PTGER2: variants seen among roughly 807,000 people sequenced by gnomAD.
The protein encoded by PTGER2 is prostaglandin E2 receptor EP2 subtype.
A neutral mutation model predicts 26.2 loss-of-function variants in PTGER2; 22 were observed. The observed-to-expected ratio is 0.84, with a 90% CI of 0.60 to 1.20. The LOEUF (loss-of-function observed/expected upper bound fraction) is 1.20, where lower values mean the gene tolerates loss of function less well. Ranked by LOEUF, PTGER2 falls within the 50% of genes most tolerant of loss-of-function variation. The probability of loss-of-function intolerance (pLI) is 0.00; values close to 1 mark genes in which losing one functional copy is unlikely to be tolerated. For synonymous variants in PTGER2, 219 were observed against 208.9 expected, an observed-to-expected ratio of 1.05 and a Z score of -0.42; for missense variants, 458 against 475.2, an observed-to-expected ratio of 0.96 and a Z score of 0.34.
rs565255592 is a variant in PTGER2, at chr14:52,326,675, C to T, written c.844-546C>T. ...GTGTTCCATTGCAGACCCTGTCTCG[C>T]TGAATTGTGATCATTAGATTTAGTA... On this transcript the variant is annotated intron_variant, in intron 1 of 1. Transcript: ENST00000245457. Among the ~76,000 whole-genome samples the T allele has an allele frequency of 6.6e-5, 10 of 152,266 alleles. No homozygotes were observed. The South Asian group carries it at 2.1e-3, about 32-fold the overall frequency.
At chr14:52,321,149 T>C (rs1248070168) in intron 1 of PTGER2, among the ~76,000 whole-genome samples, 1 of 152,170 alleles carries the variant, frequency 6.6e-6, no homozygotes, top group Non-Finnish European at 1.5e-5. Context: ...ATCCAGTTTT[T>C]CCTATTGCAG....
rs775157086 is a variant in PTGER2 at position 52,315,273 on chromosome 14, G to C, written c.725G>C (p.Arg242Pro). ...SRCGPSLGSG[R>P]GGPGARRRGE... Reference sequence around the variant, plus strand: ...TGCGGACCTTCCCTGGGCAGTGGCCGGGGCGGCCCCGGGGCCCGCAGGAGA... The same window carrying C: ...TGCGGACCTTCCCTGGGCAGTGGCCCGGGCGGCCCCGGGGCCCGCAGGAGA... Residue 242 changes from arginine to proline, a missense_variant, in exon 1 of 2, where the codon CGG (arginine) becomes CCG (proline). By Grantham distance (103) the Arg-to-Pro change is moderately radical. Transcript: ENST00000245457. 4 of 1,611,684 alleles carry C rather than the reference G, an allele frequency of 2.5e-6. No individual in the cohort carries two copies. The highest frequency in any genetic ancestry group is 2.5e-6 in the Non-Finnish European group (3 of 1,179,412).
In PTGER2 at chr14:52,315,007, C is replaced by T. The variant is rs747113348; in HGVS notation, c.459C>T (p.Gly153=). ...AGCGCCGCGTCTCGCGCTCCGGGGGCCTGGCCGTGCTGCCTGTCATCTATG... is the reference window on the plus strand; with the variant it reads ...AGCGCCGCGTCTCGCGCTCCGGGGGTCTGGCCGTGCTGCCTGTCATCTATG... ...FYQRRVSRSG[G]LAVLPVIYAV... is the part of the protein sequence containing the mutation. Residue 153 remains glycine, a synonymous_variant, in exon 1 of 2, where the codon GGC becomes GGT. Transcript: ENST00000245457. 1 of 1,613,370 alleles carries T rather than the reference C, an allele frequency of 6.2e-7. No homozygotes were observed. The highest frequency in any genetic ancestry group is 2.2e-5 in the East Asian group (1 of 44,866).
intron 1 of PTGER2, among the ~76,000 whole-genome samples, chr14:52,323,290 G>A (rs967308145): frequency 7.0e-5 from 4 of 57,380 alleles, no homozygotes; most frequent in Admixed American, 6.7e-4. Flanking sequence ...GACTCACTCT[G>A]TCACCCAGGC....
At position 52,327,502 on chromosome 14, in the gene PTGER2, T is replaced by G. The variant is rs758441576; in HGVS notation, c.*48T>G. 4 of 1,414,896 alleles carry G rather than the reference T, an allele frequency of 2.8e-6. No individual in the cohort carries two copies. In the Admixed American group the frequency reaches 8.0e-5, roughly 28 times the overall value. 87.6% of individuals were successfully genotyped at this position (1,414,896 alleles called of 1,614,324 possible). A position where few individuals can be genotyped will look rare whatever the true frequency, so the allele number is the denominator to read the frequency against. On this transcript the variant is annotated 3_prime_UTR_variant, in exon 2 of 2. Coordinates refer to ENST00000245457, the MANE Select transcript of PTGER2 (RefSeq NM_000956.4). Reference sequence around the variant, plus strand: ...AGTTATATAGCATCTGGAAGATCATTTTGAAATTGTTCCTTGGAGAAATGA... The same window carrying G: ...AGTTATATAGCATCTGGAAGATCATGTTGAAATTGTTCCTTGGAGAAATGA...
intron 1 of PTGER2, among the ~76,000 whole-genome samples, chr14:52,326,272 C>T (rs1380163327): frequency 2.6e-5 from 4 of 152,198 alleles, no homozygotes; most frequent in Non-Finnish European, 5.9e-5. Context: ...CTGCACGTAG[C>T]ACACAGTGAG....
At position 52,314,402 on chromosome 14, in the gene PTGER2, T is replaced by G. The variant is rs1286021295; in HGVS notation, c.-147T>G. ...GCGGGAGACCCAGGGCAAGCCGCCG[T>G]CGGCGCGCTGGGTGCGGGAAGGGGG... On this transcript the variant is annotated 5_prime_UTR_variant, in exon 1 of 2. Coordinates refer to ENST00000245457, the MANE Select transcript of PTGER2 (RefSeq NM_000956.4). The surrounding 1 kb of genome is among the most constrained non-coding windows in gnomAD (Gnocchi z 5.7). 5 of 1,009,462 alleles carry G rather than the reference T, an allele frequency of 5.0e-6. No individual in the cohort carries two copies. In the East Asian group the frequency reaches 1.3e-4, roughly 26 times the overall value. The allele number at this position is 1,009,462 out of a possible 1,614,324, so 62.5% of individuals were successfully genotyped here.
chr14:52,318,897 G>A (rs534115228), intron 1 of PTGER2, among the ~76,000 whole-genome samples: 185 of 152,264 alleles, frequency 1.2e-3, no homozygotes, highest in Non-Finnish European at 2.0e-3. Context: ...ACTTTTGAAT[G>A]CTAACTTTTG....
rs1439152739 is a variant in PTGER2 at position 52,327,397 on chromosome 14, T to C, written c.1020T>C (p.Asp340=). 6.2e-7 allele frequency: 1 copy of C among 1,613,852 alleles called. No individual in the cohort carries two copies. Among genetic ancestry groups the C allele is most frequent in the South Asian group, 1.1e-5 (1 of 91,066 alleles). The change falls in exon 2 of 2, where the codon GAT becomes GAC. Residue 340 remains aspartate (D), a synonymous_variant. Coordinates refer to ENST00000245457, the MANE Select transcript of PTGER2 (RefSeq NM_000956.4). ...LCCRISLRTQ[D]ATQTSCSTQS... The stretch of plus-strand genomic sequence containing the variant: ...GTCGGATTTCATTAAGAACACAAGA[T>C]GCAACACAAACTTCCTGTTCTACAC...
chr14:52,318,218 C>G (rs1452994474), intron 1 of PTGER2, among the ~76,000 whole-genome samples: 2 of 152,150 alleles, frequency 1.3e-5, no homozygotes, highest in African/African-American at 4.8e-5. Flanking sequence ...TCCACATGTC[C>G]TAACAGGGGG....
rs1251898963 is a variant in PTGER2, at chr14:52,314,869, C to T, written c.321C>T (p.Arg107=). ...TGGTGGCACTGGCGCCCGAGAGCCG[C>T]GCGTGCACCTACTTCGCTTTCGCCA... ...QTLVALAPES[R]ACTYFAFAMT... The change falls in exon 1 of 2, where the codon CGC becomes CGT. Residue 107 remains arginine, a synonymous_variant. Transcript: ENST00000245457. The surrounding 1 kb of genome is among the most constrained non-coding windows in gnomAD (Gnocchi z 5.7). 1.2e-6 allele frequency: 2 copies of T among 1,613,100 alleles called. No homozygotes were observed. The highest frequency in any genetic ancestry group is 1.3e-5 in the African/African-American group (1 of 75,074).
Position 52,315,281 on chromosome 14 carries a change from C to T in PTGER2, c.733C>T (p.Pro245Ser). ...GPSLGSGRGG[P>S]GARRRGERVS... ...TTCCCTGGGCAGTGGCCGGGGCGGC[C>T]CCGGGGCCCGCAGGAGAGGGGAAAG... Residue 245 changes from proline to serine, a missense_variant, in exon 1 of 2, where the codon CCC becomes TCC. Physicochemically the swap from Pro to Ser is moderately conservative, Grantham distance 74. Transcript: ENST00000245457. The T allele has an allele frequency of 2.5e-6, 4 of 1,613,292 alleles. No homozygotes were observed. Among genetic ancestry groups the T allele is most frequent in the Non-Finnish European group, 3.4e-6 (4 of 1,179,880 alleles).
intron 1 of PTGER2, among the ~76,000 whole-genome samples, chr14:52,316,940 T>A (rs1021049406): frequency 6.6e-6 from 1 of 152,236 alleles, no homozygotes; most frequent in Non-Finnish European, 1.5e-5. Context: ...AACGCTGTGA[T>A]GTAGAAACCC....
At position 52,327,602 on chromosome 14, in the gene PTGER2, C is replaced by T; in HGVS notation, c.*148C>T. 1 of 673,600 alleles carries T rather than the reference C, an allele frequency of 1.5e-6. No homozygotes were observed. Among genetic ancestry groups the T allele is most frequent in the Admixed American group, 3.1e-5 (1 of 32,410 alleles). The allele number at this position is 673,600 out of a possible 1,614,324, so 41.7% of individuals were successfully genotyped here. ...AACATTTAAGCTGTGGTCAAGGCTA[C>T]AGATGTGCTGACAAGGCACTTCATG... On this transcript the variant is annotated 3_prime_UTR_variant, in exon 2 of 2. Transcript: ENST00000245457.
At chr14:52,325,138 C>CA (rs1438811701) in intron 1 of PTGER2, among the ~76,000 whole-genome samples, 10 of 149,690 alleles carry the variant, frequency 6.7e-5, no homozygotes, top group Non-Finnish European at 1.2e-4. Context: ...GACTCCATCT[C>CA]AAAAAAAAAG....
intron 1 of PTGER2, among the ~76,000 whole-genome samples, chr14:52,320,082 C>T (rs924879046): frequency 4.6e-5 from 7 of 152,176 alleles, no homozygotes; most frequent in African/African-American, 1.2e-4. Context: ...GACATCTCTA[C>T]GTATAACCAC....
At chr14:52,327,095 G>A (rs564310431) in intron 1 of PTGER2, 126 bp from the exon 2 acceptor site, 24 of 663,192 alleles carry the variant, frequency 3.6e-5, no homozygotes, top group African/African-American at 2.5e-4. Flanking sequence ...CCCACCTTTC[G>A]TTCCCCACCA....
chr14:52,319,865 T>C (rs143410174), intron 1 of PTGER2, among the ~76,000 whole-genome samples: 2,246 of 152,348 alleles, frequency 0.015, 18 homozygotes, highest in Non-Finnish European at 0.024. Context: ...TCTTTAGGGT[T>C]ATAACTTCTA....
At chr14:52,317,561 A>G (rs555064636) in intron 1 of PTGER2, among the ~76,000 whole-genome samples, 2 of 152,366 alleles carry the variant, frequency 1.3e-5, no homozygotes, top group African/African-American at 4.8e-5. Context: ...GGGCTTAGCC[A>G]CAGAAATCTG....
Sources: allele counts gnomAD v4.1 joint callset (sites outside exome capture counted in the v4.1 genomes callset), GRCh38; gene constraint gnomAD v4.1.1; non-coding constraint Gnocchi (gnomAD v3.1); transcripts MANE v1.5; gene names NCBI Gene and HGNC (gene_info 2026-07-23, HGNC 2026-07-21).